The following KLF13 variants were observed in gnomAD, a reference collection of about 807,000 sequenced individuals.
KLF13 encodes the protein KLF transcription factor 13.
KLF13 carries 8 observed loss-of-function variants against 16.7 expected under a neutral mutation model. The ratio of observed to expected loss-of-function variants is 0.48; its 90% confidence interval spans 0.28 to 0.87. KLF13 has a LOEUF of 0.87. KLF13 is among the 40% of genes least tolerant of loss of function. The probability of loss-of-function intolerance (pLI) is 0.10; values close to 1 mark genes in which losing one functional copy is unlikely to be tolerated. For synonymous variants in KLF13, 245 were observed against 208.4 expected, an observed-to-expected ratio of 1.18 and a Z score of -1.51; for missense variants, 447 against 452.2, an observed-to-expected ratio of 0.99 and a Z score of 0.10.
intron 1 of KLF13, among the ~76,000 whole-genome samples, chr15:31,364,252 T>C (rs2039430158): frequency 1.3e-5 from 2 of 152,218 alleles, no homozygotes; most frequent in Admixed American, 1.3e-4. Context: ...ATGCCTACTT[T>C]AAAAAATATC....
intron 1 of KLF13, among the ~76,000 whole-genome samples, chr15:31,344,929 G>A (rs987007429): frequency 6.6e-6 from 1 of 152,168 alleles, no homozygotes; most frequent in Admixed American, 6.5e-5. Flanking sequence ...AGGTTCCAGG[G>A]TTCAGCCCAG....
chr15:31,333,862 G>A (rs1230489674), intron 1 of KLF13, among the ~76,000 whole-genome samples: 2 of 152,294 alleles, frequency 1.3e-5, no homozygotes, highest in East Asian at 3.9e-4. Context: ...AATGTGGATT[G>A]GTCTGATTGT....
At chr15:31,356,899 C>T (rs1237345435) in intron 1 of KLF13, among the ~76,000 whole-genome samples, 4 of 152,246 alleles carry the variant, frequency 2.6e-5, no homozygotes, top group African/African-American at 7.2e-5. Context: ...GCAGCGGGCC[C>T]GTCGGGTGGC....
intron 1 of KLF13, among the ~76,000 whole-genome samples, chr15:31,429,114 G>A (rs879324846): frequency 2.0e-5 from 3 of 152,202 alleles, no homozygotes; most frequent in East Asian, 1.9e-4. Flanking sequence ...AGGATGGGGC[G>A]CTGTACAGTG....
At chr15:31,393,395 G>A (rs938093567) in intron 1 of KLF13, 5 of 152,410 alleles carry the variant, frequency 3.3e-5, no homozygotes, top group African/African-American at 1.2e-4. Flanking sequence ...CCCGGCTAAA[G>A]AGTACCTACC....
intron 1 of KLF13, among the ~76,000 whole-genome samples, chr15:31,422,504 G>A (rs2040340947): frequency 1.3e-5 from 1 of 76,186 alleles, no homozygotes; most frequent in South Asian, 6.6e-4. Context: ...CCATCCCCAT[G>A]ATCAAATTAC....
intron 1 of KLF13, among the ~76,000 whole-genome samples, chr15:31,328,659 C>T (rs907889304): frequency 1.5e-4 from 23 of 151,724 alleles, no homozygotes; most frequent in African/African-American, 4.8e-4. Context: ...TGGGGATCAC[C>T]GCCCGCCCCC....
chr15:31,395,599 C>A (rs1392886273), intron 2 of KLF13, among the ~76,000 whole-genome samples: 2 of 152,158 alleles, frequency 1.3e-5, no homozygotes, highest in Admixed American at 1.3e-4. Flanking sequence ...ATTTTACATT[C>A]CCACTGGCAA....
intron 1 of KLF13, among the ~76,000 whole-genome samples, chr15:31,333,954 G>C (rs551624189): frequency 5.6e-5 from 5 of 89,372 alleles, no homozygotes; most frequent in Middle Eastern, 6.0e-3. Flanking sequence ...TCGCCTCATG[G>C]GGGGGGGAGG....
At chr15:31,371,382 G>C (rs2039552485) in intron 1 of KLF13, among the ~76,000 whole-genome samples, 1 of 152,228 alleles carries the variant, frequency 6.6e-6, no homozygotes, top group South Asian at 2.1e-4. Context: ...GCAAGAGGCT[G>C]TTTCATTCTC....
At chr15:31,392,756 CG>C (rs1327371237), upstream of KLF13, 1 of 152,210 alleles carries the variant, frequency 6.6e-6, no homozygotes, top group Non-Finnish European at 1.5e-5. Flanking sequence ...AGGGTCAGCT[CG>C]GGGCTGGGCC....
chr15:31,407,738 A>C (rs930190448), downstream of KLF13, among the ~76,000 whole-genome samples: 6 of 152,212 alleles, frequency 3.9e-5, no homozygotes, highest in Admixed American at 6.5e-5. Context: ...AGATGATTCA[A>C]TAATAAGAAA....
chr15:31,415,886 T>C (rs545473903), intron 1 of KLF13, among the ~76,000 whole-genome samples: 2 of 151,766 alleles, frequency 1.3e-5, no homozygotes, highest in African/African-American at 4.8e-5. Context: ...ATCTACAAAA[T>C]TGATAAATAT....
At chr15:31,432,797 A>T (rs1019021161) in intron 1 of KLF13, among the ~76,000 whole-genome samples, 1 of 152,050 alleles carries the variant, frequency 6.6e-6, no homozygotes, top group Non-Finnish European at 1.5e-5. Flanking sequence ...ACCATGCTGG[A>T]TGCTGGATAT....
chr15:31,360,441 G>A (rs1438171005), intron 1 of KLF13, among the ~76,000 whole-genome samples: 1 of 152,216 alleles, frequency 6.6e-6, no homozygotes, highest in Non-Finnish European at 1.5e-5. Context: ...CTAGACCTGC[G>A]GGCAGGGCTG....
intron 1 of KLF13, among the ~76,000 whole-genome samples, chr15:31,369,073 C>T (rs1452554205): frequency 6.6e-6 from 1 of 152,178 alleles, no homozygotes; most frequent in African/African-American, 2.4e-5. Context: ...TGACTCCTAT[C>T]CCTCCCCTCC....
At chr15:31,336,209 G>T (rs2038927840) in intron 1 of KLF13, among the ~76,000 whole-genome samples, 1 of 152,184 alleles carries the variant, frequency 6.6e-6, no homozygotes, top group African/African-American at 2.4e-5. Flanking sequence ...TGCTTGGGGG[G>T]GCCACCATCC....
chr15:31,379,930 T>A (rs2039704000), downstream of KLF13, among the ~76,000 whole-genome samples: 1 of 152,286 alleles, frequency 6.6e-6, no homozygotes, highest in East Asian at 1.9e-4. Context: ...GGGAAGCATC[T>A]GGTGGAGGGC....
rs145428783 is a variant in KLF13, at chr15:31,423,369, C to T, written n.118-12001C>T. Among the ~76,000 whole-genome samples the T allele has an allele frequency of 7.0e-3, 1,066 of 151,534 alleles. 18 individuals are homozygous for T. Among genetic ancestry groups the T allele is most frequent in the African/African-American group, 0.024 (992 of 41,280 alleles). On this transcript the variant is annotated intron_variant and non_coding_transcript_variant, in intron 1 of 1. Transcript: ENST00000558225. ...AACTTGGGCCGGGTGCTGTGGCTCA[C>T]GTCTGTAATCCCAGCGCTTTGGGAG...
Sources: allele counts gnomAD v4.1 joint callset (sites outside exome capture counted in the v4.1 genomes callset), GRCh38; gene constraint gnomAD v4.1.1; transcripts MANE v1.5; gene names NCBI Gene and HGNC (gene_info 2026-07-23, HGNC 2026-07-21).